Variants in PSMG2 observed in about 807,000 individuals in gnomAD.
The protein encoded by PSMG2 is CD40 ligand-activated specific transcript 3.
A neutral mutation model predicts 31.5 loss-of-function variants in PSMG2; 21 were observed. That is an observed-to-expected ratio of 0.67 (90% CI 0.47 to 0.96). The LOEUF is 0.96. Ranked by LOEUF, PSMG2 falls within the 40% of genes least tolerant of loss-of-function variation. The probability of loss-of-function intolerance (pLI) is 0.00; values close to 1 mark genes in which losing one functional copy is unlikely to be tolerated. For synonymous variants in PSMG2, 120 were observed against 110.4 expected (o/e 1.09, Z -0.54); for missense variants, 318 against 321.2 (o/e 0.99, Z 0.08).
chr18:12,696,538 A>T (rs2039964818), intron 1 of PSMG2, among the ~76,000 whole-genome samples: 1 of 152,120 alleles, frequency 6.6e-6, no homozygotes. Context: ...TAAATTACTA[A>T]GGCTATGCTG....
At chr18:12,714,938 C>A (rs2040363828) in intron 3 of PSMG2, among the ~76,000 whole-genome samples, 1 of 151,484 alleles carries the variant, frequency 6.6e-6, no homozygotes, top group Admixed American at 6.6e-5. Flanking sequence ...CTCCTGACCT[C>A]AGGTGATCCA....
At chr18:12,683,774 G>T (rs1385075895) in intron 1 of PSMG2, among the ~76,000 whole-genome samples, 1 of 151,100 alleles carries the variant, frequency 6.6e-6, no homozygotes, top group Non-Finnish European at 1.5e-5. Flanking sequence ...AAGGAAATCA[G>T]AAAGACTGTA....
upstream of PSMG2, chr18:12,699,056 C>A (rs766046312): frequency 1.9e-6 from 3 of 1,613,868 alleles, no homozygotes; most frequent in East Asian, 2.2e-5. Context: ...AGGTTTAGAA[C>A]GAAAACGTTG....
At chr18:12,702,403 C>T, upstream of PSMG2, 9 of 1,053,248 alleles carry the variant, frequency 8.5e-6, no homozygotes, top group Non-Finnish European at 1.3e-5. Flanking sequence ...CAAGCAGATG[C>T]CGCTGTCGGC....
chr18:12,684,765 G>A (rs2039479826), intron 1 of PSMG2: 1 of 152,040 alleles, frequency 6.6e-6, no homozygotes, highest in Non-Finnish European at 1.5e-5. Flanking sequence ...TTACAGGCGT[G>A]AGCCACCGCG....
chr18:12,690,783 G>A (rs1448762490), intron 1 of PSMG2, among the ~76,000 whole-genome samples: 1 of 152,118 alleles, frequency 6.6e-6, no homozygotes, highest in Non-Finnish European at 1.5e-5. Flanking sequence ...ATATTGGTCT[G>A]TTAAAGAGAG....
rs1271986265 is a variant in PSMG2, at chr18:12,718,597, C to T, written c.369C>T (p.Ser123=). Residue 123 remains serine (S), a synonymous_variant, in exon 4 of 7, where the codon AGC becomes AGT. Coordinates refer to ENST00000317615, the MANE Select transcript of PSMG2 (RefSeq NM_020232.5). ...GTGCCAGAGTCATTGTTCTTTCAAGCAGTCATTCATATCAGCGTAATGATC... is the reference window on the plus strand; with the variant it reads ...GTGCCAGAGTCATTGTTCTTTCAAGTAGTCATTCATATCAGCGTAATGATC... ...SGCARVIVLS[S]SHSYQRNDLQ... is the part of the protein sequence containing the mutation. 5 of 1,610,728 alleles carry T rather than the reference C, an allele frequency of 3.1e-6. No individual in the cohort carries two copies. Among genetic ancestry groups the T allele is most frequent in the African/African-American group, 2.7e-5 (2 of 74,856 alleles).
At chr18:12,662,444 T>C in intron 1 of PSMG2, among the ~76,000 whole-genome samples, 1 of 152,220 alleles carries the variant, frequency 6.6e-6, no homozygotes, top group Admixed American at 6.5e-5. Flanking sequence ...CTCTTTCTCC[T>C]ACATTACAAT....
chr18:12,680,001 G>A (rs2039288033), intron 1 of PSMG2, among the ~76,000 whole-genome samples: 1 of 151,420 alleles, frequency 6.6e-6, no homozygotes. Flanking sequence ...GGCTGCAGTG[G>A]GCTGTGACTG....
intron 1 of PSMG2, chr18:12,686,776 G>C: frequency 5.4e-6 from 1 of 184,402 alleles, no homozygotes; most frequent in Non-Finnish European, 1.1e-5. Flanking sequence ...GGAGGGAGAG[G>C]TGCTCTAAGC....
intron 1 of PSMG2, among the ~76,000 whole-genome samples, chr18:12,671,444 A>C (rs1399430187): frequency 6.6e-6 from 1 of 152,084 alleles, no homozygotes; most frequent in Non-Finnish European, 1.5e-5. Flanking sequence ...TCTTTGAAAA[A>C]ATAAAAAACT....
At chr18:12,665,601 A>G (rs2038786553) in intron 1 of PSMG2, among the ~76,000 whole-genome samples, 1 of 152,208 alleles carries the variant, frequency 6.6e-6, no homozygotes, top group Non-Finnish European at 1.5e-5. Context: ...GAGATGTTGG[A>G]AGAAAAATTA....
chr18:12,667,941 C>A, intron 1 of PSMG2, among the ~76,000 whole-genome samples: 1 of 135,422 alleles, frequency 7.4e-6, no homozygotes, highest in Admixed American at 7.9e-5. Flanking sequence ...AAATGGCAAA[C>A]ACAAATCCAG....
chr18:12,710,395 G>A (rs144500753), intron 2 of PSMG2, among the ~76,000 whole-genome samples: 3 of 152,236 alleles, frequency 2.0e-5, no homozygotes, highest in East Asian at 1.9e-4. Context: ...CTTTTCAGGC[G>A]TGTTACAGCA....
In PSMG2 at chr18:12,712,736, AC is replaced by A; in HGVS notation, c.265del (p.Gln89SerfsTer2). ...TGCCTTCAAGAAAGCTGGTGGCTCT[AC>A]AGTTAAGATCCATTTTTATTAAGGT... ...SLPSRKLVAL[Q>X]LRSIFIKYKS... On this transcript the variant is annotated frameshift_variant, in exon 3 of 7. Transcript: ENST00000317615. LOFTEE classifies it high-confidence loss of function. 1 of 1,607,818 alleles carries A rather than the reference AC, an allele frequency of 6.2e-7. No homozygotes were observed. The highest frequency in any genetic ancestry group is 8.5e-7 in the Non-Finnish European group (1 of 1,175,710).
chr18:12,697,175 T>A (rs1163825152), intron 1 of PSMG2: 2 of 1,233,484 alleles, frequency 1.6e-6, no homozygotes, highest in Non-Finnish European at 2.3e-6. Flanking sequence ...TATTTACAAA[T>A]GAACTGTGGC....
At chr18:12,693,288 A>G (rs2039832315) in intron 1 of PSMG2, among the ~76,000 whole-genome samples, 1 of 152,154 alleles carries the variant, frequency 6.6e-6, no homozygotes, top group Admixed American at 6.6e-5. Context: ...GTGGGGCACA[A>G]TGGTCCATGT....
chr18:12,668,068 C>A (rs919236242), intron 1 of PSMG2, among the ~76,000 whole-genome samples: 2 of 151,958 alleles, frequency 1.3e-5, no homozygotes, highest in Non-Finnish European at 2.9e-5. Context: ...AGTTTGAAAC[C>A]AGCCTGGCCA....
At chr18:12,710,869 A>G (rs1351723062) in intron 2 of PSMG2, among the ~76,000 whole-genome samples, 2 of 152,118 alleles carry the variant, frequency 1.3e-5, no homozygotes, top group Non-Finnish European at 1.5e-5. Context: ...GGAGGCCAAG[A>G]CGGGTGGATT....
Sources: gnomAD v4.1 joint callset for allele counts (sites outside exome capture counted in the v4.1 genomes callset) on GRCh38, gnomAD v4.1.1 for gene constraint, MANE v1.5 for transcripts, NCBI Gene and HGNC (gene_info 2026-07-23, HGNC 2026-07-21) for gene names.